Variants in CSMD3 observed in about 807,000 individuals in gnomAD.
The protein encoded by CSMD3 is CUB and Sushi multiple domains 3, also known as CUB and sushi domain-containing protein 3.
Under a neutral mutation model 435.2 loss-of-function variants are expected in CSMD3, and 177 were observed. That is an observed-to-expected ratio of 0.41 (90% CI 0.36 to 0.46). CSMD3 has a LOEUF of 0.46. Ranked by LOEUF, CSMD3 falls within the 20% of genes least tolerant of loss-of-function variation. CSMD3 has a pLI of 0.34. For synonymous variants in CSMD3, 1,656 were observed against 1,520.5 expected (o/e 1.09, Z -2.07); for missense variants, 4,265 against 4,504.6 (o/e 0.95, Z 1.52).
rs79480787 is a variant in CSMD3 at position 112,555,689 on chromosome 8, C to T, written c.4234+1074G>A. On this transcript the variant is annotated intron_variant, in intron 25 of 70. Transcript: ENST00000297405. ...AGGTCTCATAGCATCAAAACCACTACGCAATTAGTTGCAAGGCCTATAATA... is the reference window on the plus strand; with the variant it reads ...AGGTCTCATAGCATCAAAACCACTATGCAATTAGTTGCAAGGCCTATAATA... Among the ~76,000 whole-genome samples the T allele has an allele frequency of 9.6e-3, 1,467 of 152,026 alleles. 25 individuals are homozygous for T. Among genetic ancestry groups the T allele is most frequent in the African/African-American group, 0.033 (1,376 of 41,484 alleles).
At chr8:112,866,569 C>A (rs958423235) in intron 10 of CSMD3, among the ~76,000 whole-genome samples, 2 of 152,082 alleles carry the variant, frequency 1.3e-5, no homozygotes, top group Non-Finnish European at 2.9e-5. Context: ...AATGTATTTG[C>A]GGCATTTCCC....
At chr8:112,404,520 T>G (rs1223833780) in intron 35 of CSMD3, among the ~76,000 whole-genome samples, 1 of 149,276 alleles carries the variant, frequency 6.7e-6, no homozygotes, top group Non-Finnish European at 1.5e-5. Context: ...AGGGTGAGAC[T>G]CCATAAAAAA....
At chr8:113,350,630 CA>C (rs1306408884) in intron 1 of CSMD3, among the ~76,000 whole-genome samples, 1 of 152,102 alleles carries the variant, frequency 6.6e-6, no homozygotes, top group Admixed American at 6.6e-5. Context: ...AAGGATTACC[CA>C]AGAGGTCTTT....
chr8:113,301,284 T>A (rs2093764705), intron 2 of CSMD3, among the ~76,000 whole-genome samples: 1 of 152,132 alleles, frequency 6.6e-6, no homozygotes, highest in Non-Finnish European at 1.5e-5. Flanking sequence ...CAGACTTATA[T>A]ATTATTATGA....
intron 5 of CSMD3, among the ~76,000 whole-genome samples, chr8:113,049,402 GAA>G (rs60859878): frequency 4.4e-5 from 6 of 137,880 alleles, no homozygotes; most frequent in East Asian, 2.1e-4. Flanking sequence ...GTTCTAGTAG[GAA>G]AAAAAAAAAA....
intron 32 of CSMD3, among the ~76,000 whole-genome samples, chr8:112,438,541 A>C (rs982762285): frequency 1.4e-4 from 22 of 152,158 alleles, no homozygotes; most frequent in African/African-American, 5.3e-4. Context: ...TGCTATTTGA[A>C]ATATGAAGCA....
intron 66 of CSMD3, among the ~76,000 whole-genome samples, chr8:112,239,378 C>T (rs1382626662): frequency 4.6e-5 from 7 of 152,042 alleles, no homozygotes; most frequent in African/African-American, 1.7e-4. Flanking sequence ...GTAAGATTTT[C>T]TCATTTATAA....
intron 3 of CSMD3, among the ~76,000 whole-genome samples, chr8:113,223,878 T>A (rs1941234070): frequency 6.6e-6 from 1 of 150,584 alleles, no homozygotes; most frequent in South Asian, 2.1e-4. Context: ...CAGCTACTAA[T>A]CGGTAATGGC....
intron 22 of CSMD3, among the ~76,000 whole-genome samples, chr8:112,634,818 A>G (rs562988425): frequency 6.6e-6 from 1 of 151,904 alleles, no homozygotes; most frequent in South Asian, 2.1e-4. Flanking sequence ...TTAGTTCTCT[A>G]TGATAGATTC....
intron 26 of CSMD3, among the ~76,000 whole-genome samples, 175 bp from the exon 27 acceptor site, chr8:112,551,048 G>T (rs566431877): frequency 1.7e-4 from 26 of 151,858 alleles, no homozygotes; most frequent in African/African-American, 6.0e-4. Context: ...CATATAATTT[G>T]TTTTTTTAGA....
At chr8:112,866,620 G>C (rs571512519) in intron 10 of CSMD3, among the ~76,000 whole-genome samples, 2 of 152,074 alleles carry the variant, frequency 1.3e-5, no homozygotes, top group Non-Finnish European at 2.9e-5. Flanking sequence ...AAGTGTTGTA[G>C]TCTTGCCCCT....
At chr8:112,367,384 C>G (rs1035270596) in intron 38 of CSMD3, among the ~76,000 whole-genome samples, 2 of 151,926 alleles carry the variant, frequency 1.3e-5, no homozygotes, top group Non-Finnish European at 2.9e-5. Flanking sequence ...AAATCAATAC[C>G]TAGATGCTGA....
chr8:113,414,651 CAAAAA>C (rs780988317), intron 1 of CSMD3, among the ~76,000 whole-genome samples: 15 of 85,086 alleles, frequency 1.8e-4, no homozygotes, highest in African/African-American at 4.8e-4. Flanking sequence ...TGCCCAAATA[CAAAAA>C]AAAAAAAAAA....
At chr8:112,553,335 A>G (rs1168886270) in intron 25 of CSMD3, among the ~76,000 whole-genome samples, 1 of 152,062 alleles carries the variant, frequency 6.6e-6, no homozygotes, top group Non-Finnish European at 1.5e-5. Context: ...ATCGTCATGC[A>G]ATATAATTAA....
chr8:112,851,504 T>C (rs1448806474), intron 11 of CSMD3, among the ~76,000 whole-genome samples: 7 of 152,082 alleles, frequency 4.6e-5, no homozygotes, highest in African/African-American at 1.7e-4. Context: ...CGGTGGCTCA[T>C]GCCTGCGATC....
intron 66 of CSMD3, 149 bp from the exon 67 acceptor site, chr8:112,237,497 AAT>A (rs1813697934): frequency 1.5e-6 from 1 of 673,022 alleles, no homozygotes; most frequent in African/African-American, 1.8e-5. Flanking sequence ...TTCATATAAA[AAT>A]GTTTCCATTT....
chr8:113,317,099 G>A (rs1238509475), intron 1 of CSMD3, among the ~76,000 whole-genome samples: 1 of 151,930 alleles, frequency 6.6e-6, no homozygotes, highest in African/African-American at 2.4e-5. Context: ...GGTAGAAGAG[G>A]TTTAAAAAAA....
intron 4 of CSMD3, among the ~76,000 whole-genome samples, chr8:113,121,729 C>T (rs1277501165): frequency 6.6e-6 from 1 of 152,040 alleles, no homozygotes; most frequent in Non-Finnish European, 1.5e-5. Flanking sequence ...AGACAGCATT[C>T]ACGTTCCACT....
chr8:113,400,036 C>G (rs1383997037), intron 1 of CSMD3, among the ~76,000 whole-genome samples: 1 of 151,584 alleles, frequency 6.6e-6, no homozygotes, highest in African/African-American at 2.4e-5. Context: ...GCAATGGTGA[C>G]AGAGTCTTAG....
Sources: gnomAD v4.1 joint callset for allele counts (sites outside exome capture counted in the v4.1 genomes callset) on GRCh38, gnomAD v4.1.1 for gene constraint, MANE v1.5 for transcripts, NCBI Gene and HGNC (gene_info 2026-07-23, HGNC 2026-07-21) for gene names.